CSGALNACT1: variants seen among roughly 807,000 people sequenced by gnomAD.
The protein encoded by CSGALNACT1 is beta4GalNAcT-1.
Under a neutral mutation model 51.0 loss-of-function variants are expected in CSGALNACT1, and 52 were observed. The ratio of observed to expected loss-of-function variants is 1.02; its 90% CI spans 0.82 to 1.29. The LOEUF (loss-of-function observed/expected upper bound fraction) is 1.29. Among genes scored for constraint, CSGALNACT1 ranks in the 50% most tolerant of loss-of-function variants. The pLI, the probability that CSGALNACT1 is intolerant of heterozygous loss-of-function variation, is 0.00. For synonymous variants in CSGALNACT1, 341 were observed against 254.4 expected (o/e 1.34, Z -3.24); for missense variants, 935 against 679.2 (o/e 1.38, Z -4.19).
intron 5 of CSGALNACT1, among the ~76,000 whole-genome samples, chr8:19,447,705 C>G (rs1264838283): frequency 6.6e-6 from 1 of 152,198 alleles, no homozygotes. Context: ...TTCTCGACCA[C>G]TGTCTTGACG....
chr8:19,666,823 GAGAGAGAGAGAAAGAAAGAAAGAAAGAA>G (rs1191022060), intron 1 of CSGALNACT1, among the ~76,000 whole-genome samples: 1,541 of 73,654 alleles, frequency 0.021, 110 homozygotes, highest in African/African-American at 0.095. Context: ...GAGAGAGAGA[GAGAGAGAGAGAAAGAAAGAAAGAAAGAA>G]AGAAAGAAAG....
At chr8:19,752,621 T>C (rs1019141495) in intron 1 of CSGALNACT1, among the ~76,000 whole-genome samples, 1 of 152,216 alleles carries the variant, frequency 6.6e-6, no homozygotes, top group Non-Finnish European at 1.5e-5. Flanking sequence ...GCTGCAGTGC[T>C]GTGTGCCCAC....
intron 4 of CSGALNACT1, among the ~76,000 whole-genome samples, chr8:19,502,065 T>C (rs1284471630): frequency 1.3e-5 from 2 of 152,256 alleles, no homozygotes; most frequent in Non-Finnish European, 2.9e-5. Context: ...TGTCTGATAT[T>C]TTCCCTCTGC....
intron 1 of CSGALNACT1, among the ~76,000 whole-genome samples, chr8:19,673,999 G>A (rs1482567908): frequency 6.6e-6 from 1 of 152,190 alleles, no homozygotes; most frequent in Non-Finnish European, 1.5e-5. Flanking sequence ...TATCTAAGAA[G>A]TCAGATCTGG....
intron 1 of CSGALNACT1, among the ~76,000 whole-genome samples, chr8:19,681,833 T>C (rs1174450740): frequency 1.3e-5 from 2 of 152,162 alleles, no homozygotes; most frequent in African/African-American, 4.8e-5. Flanking sequence ...AGCCACACCA[T>C]GTCATAGGGC....
At chr8:19,455,704 T>C (rs145911744) in intron 5 of CSGALNACT1, among the ~76,000 whole-genome samples, 92 of 152,332 alleles carry the variant, frequency 6.0e-4, no homozygotes, top group African/African-American at 2.2e-3. Context: ...ATGCCTTGAC[T>C]GTGACATAAA....
intron 1 of CSGALNACT1, among the ~76,000 whole-genome samples, chr8:19,711,839 T>C (rs530936425): frequency 2.2e-4 from 33 of 152,150 alleles, no homozygotes; most frequent in Non-Finnish European, 4.3e-4. Flanking sequence ...AAACGAACAG[T>C]GTGTGGCACC....
chr8:19,595,550 T>C (rs773662464), intron 2 of CSGALNACT1, among the ~76,000 whole-genome samples: 6 of 152,140 alleles, frequency 3.9e-5, no homozygotes, highest in Non-Finnish European at 7.4e-5. Context: ...GGATTAGATA[T>C]GTGCCCAGTG....
At chr8:19,543,063 T>C (rs964779738) in intron 3 of CSGALNACT1, among the ~76,000 whole-genome samples, 1 of 152,168 alleles carries the variant, frequency 6.6e-6, no homozygotes, top group African/African-American at 2.4e-5. Context: ...CAGTTACATA[T>C]GCAAAATATA....
intron 5 of CSGALNACT1, among the ~76,000 whole-genome samples, chr8:19,456,415 A>G (rs1186399345): frequency 6.6e-6 from 1 of 152,226 alleles, no homozygotes; most frequent in Non-Finnish European, 1.5e-5. Flanking sequence ...TGAACTTGCG[A>G]TAACCTCGTC....
chr8:19,655,276 T>C (rs1000748342), intron 1 of CSGALNACT1, among the ~76,000 whole-genome samples: 10 of 152,166 alleles, frequency 6.6e-5, no homozygotes, highest in Admixed American at 2.6e-4. Flanking sequence ...TGACACGGTA[T>C]GCCATCACTC....
chr8:19,607,901 A>G (rs890486170), intron 1 of CSGALNACT1, among the ~76,000 whole-genome samples: 2 of 152,236 alleles, frequency 1.3e-5, no homozygotes, highest in Non-Finnish European at 2.9e-5. Context: ...ACAGATGGTA[A>G]TAAGCTACAC....
chr8:19,515,000 G>C (rs1052094728), intron 3 of CSGALNACT1, among the ~76,000 whole-genome samples: 2 of 152,098 alleles, frequency 1.3e-5, no homozygotes, highest in African/African-American at 4.8e-5. Context: ...TCCAGTAGTT[G>C]ATCTTCTGAC....
exon 6 of CSGALNACT1, chr8:19,439,913 C>T (rs1357399898): frequency 1.2e-6 from 2 of 1,614,082 alleles, no homozygotes; most frequent in African/African-American, 1.3e-5. Context: ...CTCTCCCATC[C>T]TGCTCAATGC....
rs186193257 is a variant in CSGALNACT1 at position 19,468,780 on chromosome 8, T to C, written c.635-10138A>G. Among the ~76,000 whole-genome samples, 268 of 152,204 alleles carry C rather than the reference T, an allele frequency of 1.8e-3. 1 individual carries two copies. Among genetic ancestry groups the C allele is most frequent in the Middle Eastern group, 6.8e-3 (2 of 294 alleles). On this transcript the variant is annotated intron_variant, in intron 4 of 9. Transcript: ENST00000454498. ...TGATTTGAAGAGGTGTATGAGTAGA[T>C]TGGAAGCTTGGCGGGCAAGCCTTTT... is the stretch of plus-strand genomic sequence containing the variant.
chr8:19,549,344 T>A (rs1294526920), intron 3 of CSGALNACT1, among the ~76,000 whole-genome samples: 3 of 152,222 alleles, frequency 2.0e-5, no homozygotes, highest in Non-Finnish European at 4.4e-5. Flanking sequence ...ATAGTTTTCT[T>A]AGACAACTTT....
intron 1 of CSGALNACT1, among the ~76,000 whole-genome samples, chr8:19,699,496 G>A (rs1408443970): frequency 6.6e-6 from 1 of 152,190 alleles, no homozygotes; most frequent in East Asian, 1.9e-4. Flanking sequence ...TAACACAAGT[G>A]AACCATGAGG....
intron 5 of CSGALNACT1, among the ~76,000 whole-genome samples, chr8:19,456,493 G>A (rs2064125925): frequency 6.6e-6 from 1 of 152,232 alleles, no homozygotes; most frequent in Admixed American, 6.5e-5. Context: ...ACCACATTCA[G>A]GTTCAACAAC....
chr8:19,650,087 T>C (rs1469252652), intron 1 of CSGALNACT1, among the ~76,000 whole-genome samples: 2 of 152,162 alleles, frequency 1.3e-5, no homozygotes, highest in African/African-American at 4.8e-5. Flanking sequence ...ACCAACAATC[T>C]TGTTAAAACG....
Sources: gnomAD v4.1 joint callset for allele counts (sites outside exome capture counted in the v4.1 genomes callset) on GRCh38, gnomAD v4.1.1 for gene constraint, MANE v1.5 for transcripts, NCBI Gene and HGNC (gene_info 2026-07-23, HGNC 2026-07-21) for gene names.